The following PCNX2 variants were observed in gnomAD, a reference collection of about 807,000 sequenced individuals.
PCNX2 encodes pecanex 2.
Under a neutral mutation model 223.8 loss-of-function variants are expected in PCNX2, and 168 were observed. That is an observed-to-expected ratio of 0.75 (90% CI 0.66 to 0.85). The LOEUF is 0.85. Ranked by LOEUF, PCNX2 falls within the 40% of genes least tolerant of loss-of-function variation. The pLI, the probability that PCNX2 is intolerant of heterozygous loss-of-function variation, is 0.00. For synonymous variants in PCNX2, 1,006 were observed against 1,052.6 expected (o/e 0.96, Z 0.86); for missense variants, 2,507 against 2,675.5 (o/e 0.94, Z 1.39).
At chr1:233,034,356 C>G (rs544603661) in intron 25 of PCNX2, among the ~76,000 whole-genome samples, 1 of 152,240 alleles carries the variant, frequency 6.6e-6, no homozygotes, top group African/African-American at 2.4e-5. Context: ...GAGGACACTG[C>G]AGAAAGATGG....
intron 26 of PCNX2, among the ~76,000 whole-genome samples, chr1:233,024,326 G>A (rs1021221657): frequency 1.3e-5 from 2 of 152,188 alleles, no homozygotes; most frequent in African/African-American, 4.8e-5. Context: ...GTCTCGGCAC[G>A]CTGGCAGAGG....
chr1:233,023,086 T>C (rs1670952946), intron 26 of PCNX2, among the ~76,000 whole-genome samples: 1 of 152,188 alleles, frequency 6.6e-6, no homozygotes, highest in Non-Finnish European at 1.5e-5. Flanking sequence ...TGGTCCTCAC[T>C]GCCCCCTTCC....
intron 21 of PCNX2, among the ~76,000 whole-genome samples, chr1:233,102,096 T>C (rs1012384040): frequency 6.6e-6 from 1 of 151,606 alleles, no homozygotes; most frequent in Non-Finnish European, 1.5e-5. Flanking sequence ...TCTTTTTTTT[T>C]TTTTTTTTTG....
intron 25 of PCNX2, chr1:233,033,182 T>C: frequency 1.0e-6 from 1 of 985,412 alleles, no homozygotes; most frequent in Non-Finnish European, 1.2e-6. Context: ...TGTGGCTGTG[T>C]TTGCACTGTC....
At chr1:233,149,723 G>C (rs189090210) in intron 19 of PCNX2, among the ~76,000 whole-genome samples, 117 of 152,112 alleles carry the variant, frequency 7.7e-4, no homozygotes, top group African/African-American at 2.8e-3. Context: ...ATGAATGCAG[G>C]GTAAAGGAAG....
At position 232,984,449 on chromosome 1, in the gene PCNX2, T is replaced by G. The variant is rs761953045; in HGVS notation, c.6269A>C (p.Asp2090Ala). ...ATGAAGCTGCCCCTGCTCGGTGGCA[T>G]CAGGGGGCTCACATGGCTCGGAGAG... ...RHLSEPCEPP[D>A]ATEQGQLHDR... The change falls in exon 34 of 34, where the codon GAT becomes GCT. Residue 2090 changes from aspartate to alanine, a missense_variant. Around this residue, in one of 3 missense-constraint regions of PCNX2, gnomAD observed 1,372 missense variants for 1,509.4 expected, o/e 0.91. Transcript: ENST00000258229. 1 of 1,613,380 alleles carries G rather than the reference T, an allele frequency of 6.2e-7. No homozygotes were observed. Among genetic ancestry groups the G allele is most frequent in the Non-Finnish European group, 8.5e-7 (1 of 1,179,720 alleles).
intron 19 of PCNX2, among the ~76,000 whole-genome samples, chr1:233,155,298 G>A (rs758940999): frequency 2.6e-5 from 4 of 152,014 alleles, no homozygotes; most frequent in Non-Finnish European, 5.9e-5. Flanking sequence ...CTAGTGTCAC[G>A]GCCCACATTA....
At chr1:233,263,949 ACGCCTG>A (rs1039742720) in intron 1 of PCNX2, among the ~76,000 whole-genome samples, 2 of 152,154 alleles carry the variant, frequency 1.3e-5, no homozygotes. Flanking sequence ...CACTGCGATA[ACGCCTG>A]CAGGCCATGG....
chr1:233,250,739 C>G lies in PCNX2; in HGVS notation c.2222G>C (p.Arg741Pro). The change falls in exon 8 of 34, where the codon CGA becomes CCA. Residue 741 changes from arginine to proline, a missense_variant and splice_region_variant. Around this residue, in one of 3 missense-constraint regions of PCNX2, gnomAD observed 1,031 missense variants for 1,021.7 expected, o/e 1.01. Coordinates refer to ENST00000258229, the MANE Select transcript of PCNX2 (RefSeq NM_014801.4). The part of the protein sequence containing the change: ...PSNNDCLSQA[R>P]EMQVSSSSTT... ...AGCCTGGAAACAAAGCTCCACTCAC[C>G]GAGCCTGAGAGAGACAGTCATTATT... is the stretch of plus-strand genomic sequence containing the variant. 6.2e-7 allele frequency: 1 copy of G among 1,601,166 alleles called. No homozygotes were observed. The highest frequency in any genetic ancestry group is 8.5e-7 in the Non-Finnish European group (1 of 1,174,196).
chr1:233,056,143 G>A (rs893646510), intron 24 of PCNX2, among the ~76,000 whole-genome samples: 5 of 152,064 alleles, frequency 3.3e-5, no homozygotes, highest in African/African-American at 9.7e-5. Context: ...AAGCCTCCTT[G>A]ACCTGCACTG....
the PCNX2 span, among the ~76,000 whole-genome samples, chr1:233,317,909 G>C: frequency 6.6e-6 from 1 of 152,176 alleles, no homozygotes; most frequent in Non-Finnish European, 1.5e-5. Flanking sequence ...GCCAAGATTG[G>C]AGTCCATGTC....
chr1:232,999,456 T>TC, intron 30 of PCNX2, 77 bp from the exon 31 acceptor site: 2 of 1,261,452 alleles, frequency 1.6e-6, no homozygotes, highest in East Asian at 2.9e-5. Flanking sequence ...CTTTTTCTTT[T>TC]TTTTTTTTTT....
chr1:233,192,033 G>A (rs1194108196), intron 15 of PCNX2, among the ~76,000 whole-genome samples: 1 of 152,172 alleles, frequency 6.6e-6, no homozygotes, highest in Non-Finnish European at 1.5e-5. Flanking sequence ...TGAACTAGTA[G>A]TGTATTACTG....
Position 233,288,561 on chromosome 1 carries a change from G to A in PCNX2, c.153+6765C>T, listed in dbSNP as rs563974823. 9.8e-4 allele frequency among the ~76,000 whole-genome samples: 149 copies of A among 152,320 alleles called. 1 individual carries two copies. Among genetic ancestry groups the A allele is most frequent in the African/African-American group, 3.4e-3 (140 of 41,570 alleles). Reference sequence around the variant, plus strand: ...AAGGATAAATGGGAGGAGCTGTGCAGAAAGAGAGCAACTGACTCAAGAAAA... The same window carrying A: ...AAGGATAAATGGGAGGAGCTGTGCAAAAAGAGAGCAACTGACTCAAGAAAA... On this transcript the variant is annotated intron_variant, in intron 1 of 33. Coordinates refer to ENST00000258229, the MANE Select transcript of PCNX2 (RefSeq NM_014801.4).
At chr1:233,264,636 C>A (rs1660236840) in intron 1 of PCNX2, among the ~76,000 whole-genome samples, 1 of 152,066 alleles carries the variant, frequency 6.6e-6, no homozygotes, top group African/African-American at 2.4e-5. Flanking sequence ...AAATATAAAG[C>A]AAGCAATAAA....
At chr1:232,989,774 G>A (rs1313372867) in intron 32 of PCNX2, among the ~76,000 whole-genome samples, 1 of 152,212 alleles carries the variant, frequency 6.6e-6, no homozygotes, top group East Asian at 1.9e-4. Context: ...TTCGGGGTGG[G>A]TACAGTGTTT....
chr1:233,263,098 T>G lies in PCNX2; in HGVS notation c.219A>C (p.Ile73=). The part of the protein sequence containing the change: ...YCSAVTIFFT[I]IKLVSYRLHL... The stretch of plus-strand genomic sequence containing the variant: ...GTAGGCGATAACTGACCAGTTTGAT[T>G]ATTGTGAAGAATATAGTCACTGCAC... Residue 73 remains isoleucine (I), a synonymous_variant, in exon 2 of 34, where the codon ATA becomes ATC. Coordinates refer to ENST00000258229, the MANE Select transcript of PCNX2 (RefSeq NM_014801.4). 1 of 1,613,330 alleles carries G rather than the reference T, an allele frequency of 6.2e-7. No individual in the cohort carries two copies. Among genetic ancestry groups the G allele is most frequent in the Non-Finnish European group, 8.5e-7 (1 of 1,179,458 alleles).
chr1:233,130,152 G>A (rs1396786819), intron 21 of PCNX2, among the ~76,000 whole-genome samples: 1 of 152,042 alleles, frequency 6.6e-6, no homozygotes, highest in Non-Finnish European at 1.5e-5. Flanking sequence ...CCCACCAGAA[G>A]GAAGAAACTC....
intron 27 of PCNX2, among the ~76,000 whole-genome samples, chr1:233,015,820 G>A (rs2102818264): frequency 6.6e-6 from 1 of 152,064 alleles, no homozygotes; most frequent in East Asian, 1.9e-4. Context: ...GCTGCAATAA[G>A]CTATGATCAT....
Sources: allele counts gnomAD v4.1 joint callset (sites outside exome capture counted in the v4.1 genomes callset), GRCh38; gene constraint gnomAD v4.1.1; regional missense constraint gnomAD v4.1.1; transcripts MANE v1.5; gene names NCBI Gene and HGNC (gene_info 2026-07-23, HGNC 2026-07-21).